The following PGM3 variants were observed in gnomAD, a reference collection of about 807,000 sequenced individuals.
PGM3 encodes the protein phosphoacetylglucosamine mutase.
A neutral mutation model predicts 66.2 loss-of-function variants in PGM3; 40 were observed. The observed-to-expected ratio is 0.60, with a 90% confidence interval of 0.47 to 0.79. The LOEUF (loss-of-function observed/expected upper bound fraction) is 0.79, where lower values mean the gene tolerates loss of function less well. Ranked by LOEUF, PGM3 falls within the 30% of genes least tolerant of loss-of-function variation. The probability of loss-of-function intolerance (pLI) is 0.00; values close to 1 mark genes in which losing one functional copy is unlikely to be tolerated. For missense variants in PGM3, 537 were observed against 643.4 expected (o/e 0.83, Z 1.79); for synonymous variants, 191 against 224.2 (o/e 0.85, Z 1.32).
rs1786074558 is a variant in PGM3, at chr6:83,167,576, TTA to T, written c.*1656_*1657del. ...AAATACAAAGCACAACATAAAACTT[TTA>T]TGTTTGACTCTATTCCTGTTCAAAG... On this transcript the variant is annotated 3_prime_UTR_variant, in exon 13 of 13. Transcript: ENST00000513973. 2 of 1,100,400 alleles carry T rather than the reference TTA, an allele frequency of 1.8e-6. No homozygotes were observed. The highest frequency in any genetic ancestry group is 4.2e-5 in the South Asian group (1 of 24,036). The allele number at this position is 1,100,400 out of a possible 1,614,324, so 68.2% of individuals were successfully genotyped here. A position where few individuals can be genotyped will look rare whatever the true frequency, so the allele number is the denominator to read the frequency against.
rs925695116 is a variant in PGM3, at chr6:83,167,211, G to A, written c.*2023C>T. On this transcript the variant is annotated 3_prime_UTR_variant, in exon 13 of 13. Transcript: ENST00000513973. The stretch of plus-strand genomic sequence containing the variant: ...TTTGTATATCCTGCCCAAGGGTGCC[G>A]TAAGTATGGCAGAGCCAGCACACTA... 61 of 914,722 alleles carry A rather than the reference G, an allele frequency of 6.7e-5. No individual in the cohort carries two copies. Among genetic ancestry groups the A allele is most frequent in the Non-Finnish European group, 7.7e-5 (59 of 765,506 alleles). The allele number at this position is 914,722 out of a possible 1,614,324, so 56.7% of individuals were successfully genotyped here. A position where few individuals can be genotyped will look rare whatever the true frequency, so the allele number is the denominator to read the frequency against.
Position 83,168,958 on chromosome 6 carries a change from A to G in PGM3, c.*276T>C. ...GTAGCCTGCATGAATTGTTCCCCAC[A>G]TAAAACTGTACAGTTAGTGACTGAA... On this transcript the variant is annotated 3_prime_UTR_variant, in exon 13 of 13. Coordinates refer to ENST00000513973, the MANE Select transcript of PGM3 (RefSeq NM_015599.3). 8.5e-7 allele frequency: 1 copy of G among 1,176,038 alleles called. No homozygotes were observed. Among genetic ancestry groups the G allele is most frequent in the Non-Finnish European group, 1.1e-6 (1 of 946,438 alleles). The allele number at this position is 1,176,038 out of a possible 1,614,324, so 72.9% of individuals were successfully genotyped here.
At chr6:83,158,579 T>C, downstream of PGM3, 1 of 1,606,064 alleles carries the variant, frequency 6.2e-7, no homozygotes, top group Non-Finnish European at 8.5e-7. Context: ...ACAAGTATTT[T>C]TACTGATGGA....
chr6:83,151,844 G>A, the PGM3 span: 1,419 of 1,598,816 alleles, frequency 8.9e-4, 2 homozygotes, highest in Non-Finnish European at 1.1e-3. Flanking sequence ...TAGTGTGCAT[G>A]TGTGTACCAT....
chr6:83,151,955 C>G, the PGM3 span: 2 of 1,613,618 alleles, frequency 1.2e-6, no homozygotes, highest in Admixed American at 3.3e-5. Flanking sequence ...AACATGGCTG[C>G]GACGAAATCT....
chr6:83,168,837 T>TATC lies in PGM3; in HGVS notation c.*394_*396dup, dbSNP rs1315396721. On this transcript the variant is annotated 3_prime_UTR_variant, in exon 13 of 13. Transcript: ENST00000513973. Reference sequence around the variant, plus strand: ...AAGTCTTCTCTGCCCTCTCCATTTGTATCAGCAATGGGGAATGCTGCAAAA... The same window carrying TATC: ...AAGTCTTCTCTGCCCTCTCCATTTGTATCATCAGCAATGGGGAATGCTGCAAAA... 3 of 1,029,070 alleles carry TATC rather than the reference T, an allele frequency of 2.9e-6. No homozygotes were observed. The highest frequency in any genetic ancestry group is 3.5e-6 in the Non-Finnish European group (3 of 855,494). The allele number at this position is 1,029,070 out of a possible 1,614,324, so 63.7% of individuals were successfully genotyped here. A position where few individuals can be genotyped will look rare whatever the true frequency, so the allele number is the denominator to read the frequency against.
downstream of PGM3, among the ~76,000 whole-genome samples, chr6:83,157,005 CTTTG>C (rs1196482468): frequency 3.9e-5 from 6 of 152,238 alleles, no homozygotes; most frequent in Admixed American, 2.6e-4. Context: ...TTTTGTGTAT[CTTTG>C]TTTAATTGGA....
rs1358559634 is a variant in PGM3, at chr6:83,167,915, C to T, written c.*1319G>A. On this transcript the variant is annotated 3_prime_UTR_variant, in exon 13 of 13. Coordinates refer to ENST00000513973, the MANE Select transcript of PGM3 (RefSeq NM_015599.3). ...GAACATTGGGTTGGGAGCCAGGGCA[C>T]TTGCTGCTCACCATCTGCACCGTGC... 2.5e-6 allele frequency: 4 copies of T among 1,613,872 alleles called. No individual in the cohort carries two copies. The South Asian group carries it at 4.4e-5, about 18-fold the overall frequency.
the PGM3 span, among the ~76,000 whole-genome samples, chr6:83,151,057 G>A: frequency 6.6e-6 from 1 of 152,124 alleles, no homozygotes. Context: ...TAAATATTTT[G>A]TGTCGGCTTC....
At position 83,165,756 on chromosome 6, in the gene PGM3, C is replaced by A; in HGVS notation, c.*3478G>T. On this transcript the variant is annotated 3_prime_UTR_variant, in exon 13 of 13. Transcript: ENST00000513973. The stretch of plus-strand genomic sequence containing the variant: ...TTCATAGCCCAATTAGTTCAATTTT[C>A]GAAGCGTTGGTTGTGCAACGTGCGG... 8.4e-6 allele frequency: 2 copies of A among 238,022 alleles called. No homozygotes were observed. The highest frequency in any genetic ancestry group is 1.1e-4 in the South Asian group (2 of 18,992). The allele number at this position is 238,022 out of a possible 1,614,324, so 14.7% of individuals were successfully genotyped here.
At position 83,193,218 on chromosome 6, in the gene PGM3, A is replaced by AGCGCCCAAGCAACAACGTCT. The variant is rs1789306646; in HGVS notation, c.-62_-43dup. ...CCCCTTCACCTACACGCAGCGGAGA[A>AGCGCCCAAGCAACAACGTCT]GCGCCCAAGCAACAACGTCTGCACC... On this transcript the variant is annotated 5_prime_UTR_variant, in exon 1 of 13. Transcript: ENST00000513973. 3 of 152,212 alleles carry AGCGCCCAAGCAACAACGTCT rather than the reference A, an allele frequency of 2.0e-5. No individual in the cohort carries two copies. Among genetic ancestry groups the AGCGCCCAAGCAACAACGTCT allele is most frequent in the South Asian group, 2.1e-4 (1 of 4,846 alleles). 9.4% of individuals were successfully genotyped at this position (152,212 alleles called of 1,614,324 possible). A position where few individuals can be genotyped will look rare whatever the true frequency, so the allele number is the denominator to read the frequency against.
intron 1 of PGM3, among the ~76,000 whole-genome samples, chr6:83,191,666 AG>A (rs1172544292): frequency 2.0e-5 from 3 of 152,208 alleles, no homozygotes; most frequent in Non-Finnish European, 2.9e-5. Context: ...TTCTTCTGAA[AG>A]AATGCCACCT....
At chr6:83,177,147 T>C (rs1427550147) in intron 8 of PGM3, among the ~76,000 whole-genome samples, 1 of 152,204 alleles carries the variant, frequency 6.6e-6, no homozygotes, top group Non-Finnish European at 1.5e-5. Flanking sequence ...AGCCCCCTGC[T>C]GCCCTCATTC....
At chr6:83,185,891 A>G (rs927422384) in intron 4 of PGM3, among the ~76,000 whole-genome samples, 2 of 152,232 alleles carry the variant, frequency 1.3e-5, no homozygotes, top group African/African-American at 4.8e-5. Flanking sequence ...CCTCCCTGAA[A>G]GAGACAGAAG....
chr6:83,178,821 A>G, intron 7 of PGM3, 65 bp from the exon 8 acceptor site: 1 of 941,158 alleles, frequency 1.1e-6, no homozygotes, highest in East Asian at 2.4e-5. Flanking sequence ...AAATATAATG[A>G]GAGTTCTAAA....
Position 83,168,376 on chromosome 6 carries a change from TAA to T in PGM3, c.*856_*857del, listed in dbSNP as rs1786362728. The T allele has an allele frequency of 5.8e-6, 8 of 1,370,298 alleles. No homozygotes were observed. Among genetic ancestry groups the T allele is most frequent in the Non-Finnish European group, 7.5e-6 (8 of 1,064,110 alleles). 84.9% of individuals were successfully genotyped at this position (1,370,298 alleles called of 1,614,324 possible). A position where few individuals can be genotyped will look rare whatever the true frequency, so the allele number is the denominator to read the frequency against. Reference sequence around the variant, plus strand: ...GTTGGCTCATACTGATTATGGTGCCTAAGAGAGCTATATATATACACATGTAA... The same window carrying T: ...GTTGGCTCATACTGATTATGGTGCCTGAGAGCTATATATATACACATGTAA... On this transcript the variant is annotated 3_prime_UTR_variant, in exon 13 of 13. Transcript: ENST00000513973.
At chr6:83,169,671 G>A (rs1169832033) in intron 12 of PGM3, 1 of 465,172 alleles carries the variant, frequency 2.1e-6, no homozygotes, top group Admixed American at 2.3e-5. Context: ...CATCCATCAT[G>A]GATATTCATT....
chr6:83,184,417 G>A (rs1335563394), intron 4 of PGM3, among the ~76,000 whole-genome samples: 1 of 152,188 alleles, frequency 6.6e-6, no homozygotes, highest in Admixed American at 6.5e-5. Flanking sequence ...GAGATGGGAG[G>A]AGATGGAGAA....
intron 7 of PGM3, 60 bp from the exon 8 acceptor site, chr6:83,178,816 T>C: frequency 1.0e-6 from 1 of 986,898 alleles, no homozygotes; most frequent in Non-Finnish European, 1.6e-6. Flanking sequence ...AAAACAAATA[T>C]AATGAGAGTT....
Sources: allele counts gnomAD v4.1 joint callset (sites outside exome capture counted in the v4.1 genomes callset), GRCh38; gene constraint gnomAD v4.1.1; transcripts MANE v1.5; gene names NCBI Gene and HGNC (gene_info 2026-07-23, HGNC 2026-07-21).